Variants in PHC2 observed in about 807,000 individuals in gnomAD.
The protein encoded by PHC2 is polyhomeotic homolog 2, also known as polyhomeotic-like protein 2.
In PHC2, 29 loss-of-function variants were observed where a neutral mutation model predicts 87.4. That is an observed-to-expected ratio of 0.33 (90% CI 0.25 to 0.45). The LOEUF is 0.45. PHC2 is among the 20% of genes least tolerant of loss of function. The probability of loss-of-function intolerance (pLI) is 1.00; values close to 1 mark genes in which losing one functional copy is unlikely to be tolerated. For missense variants in PHC2, 857 were observed against 1,136.7 expected (o/e 0.75, Z 3.54); for synonymous variants, 438 against 461.7 (o/e 0.95, Z 0.66).
chr1:33,412,631 A>G (rs2148393563), intron 1 of PHC2, among the ~76,000 whole-genome samples: 1 of 152,298 alleles, frequency 6.6e-6, no homozygotes, highest in East Asian at 1.9e-4. Flanking sequence ...ACCCCTCACT[A>G]ATACAGTGCC....
At chr1:33,408,321 T>A (rs976235226) in intron 1 of PHC2, among the ~76,000 whole-genome samples, 4 of 152,226 alleles carry the variant, frequency 2.6e-5, no homozygotes, top group African/African-American at 9.6e-5. Flanking sequence ...TTGAATTGTA[T>A]GAATTTATTT....
At chr1:33,345,626 C>T (rs1008998608) in intron 9 of PHC2, 32 of 982,678 alleles carry the variant, frequency 3.3e-5, no homozygotes, top group Middle Eastern at 5.2e-4. Flanking sequence ...TCTTCAAAAA[C>T]TAGTAATTCT....
At chr1:33,335,690 A>G (rs1008333976) in intron 9 of PHC2, among the ~76,000 whole-genome samples, 8 of 152,194 alleles carry the variant, frequency 5.3e-5, no homozygotes, top group African/African-American at 1.7e-4. Context: ...TCACCAGGTC[A>G]AGAGTTGAAG....
intron 14 of PHC2, among the ~76,000 whole-genome samples, chr1:33,327,301 G>T (rs750747476): frequency 1.1e-4 from 17 of 152,200 alleles, no homozygotes; most frequent in Non-Finnish European, 1.8e-4. Flanking sequence ...TCTTCAGACT[G>T]AGAGGACCTA....
At chr1:33,365,509 TAGA>T (rs1165508687) in intron 7 of PHC2, among the ~76,000 whole-genome samples, 4 of 152,168 alleles carry the variant, frequency 2.6e-5, no homozygotes, top group Non-Finnish European at 5.9e-5. Flanking sequence ...AATGAGAAAC[TAGA>T]AGAAGTGCTC....
chr1:33,349,185 A>G lies in PHC2; in HGVS notation c.1558+5216T>C. 1.0e-6 allele frequency: 1 copy of G among 985,484 alleles called. No homozygotes were observed. The highest frequency in any genetic ancestry group is 1.7e-5 in the African/African-American group (1 of 57,368). 61.0% of individuals were successfully genotyped at this position (985,484 alleles called of 1,614,324 possible). A position where few individuals can be genotyped will look rare whatever the true frequency, so the allele number is the denominator to read the frequency against. Reference sequence around the variant, plus strand: ...AGATTAAAAACAAAACTCTCCAGCGAAGCCGCAGGCGCCTCCAAGATAGGG... The same window carrying G: ...AGATTAAAAACAAAACTCTCCAGCGGAGCCGCAGGCGCCTCCAAGATAGGG... On this transcript the variant is annotated intron_variant, in intron 9 of 14. Coordinates refer to ENST00000683057, the MANE Select transcript of PHC2 (RefSeq NM_001385109.1). The surrounding 1 kb of genome is among the most constrained non-coding windows in gnomAD (Gnocchi z 4.2).
Position 33,367,442 on chromosome 1 carries a change from G to C in PHC2, c.664-14C>G, listed in dbSNP as rs551720542. On this transcript the variant is annotated splice_polypyrimidine_tract_variant and intron_variant, in intron 6 of 14. Coordinates refer to ENST00000683057, the MANE Select transcript of PHC2 (RefSeq NM_001385109.1). The stretch of plus-strand genomic sequence containing the variant: ...CAAGTTCTGTACCTGGAAAAGAGGG[G>C]TCTGTGGGAGTCCAGAGAATGTGGC... 2 of 1,531,234 alleles carry C rather than the reference G, an allele frequency of 1.3e-6. No homozygotes were observed. Among genetic ancestry groups the C allele is most frequent in the Non-Finnish European group, 1.8e-6 (2 of 1,136,044 alleles). 94.9% of individuals were successfully genotyped at this position (1,531,234 alleles called of 1,614,324 possible).
chr1:33,396,741 C>T (rs368528594), intron 1 of PHC2, among the ~76,000 whole-genome samples: 1 of 152,180 alleles, frequency 6.6e-6, no homozygotes, highest in African/African-American at 2.4e-5. Flanking sequence ...CGGCTTCCTG[C>T]CCCGTAACTG....
intron 2 of PHC2, among the ~76,000 whole-genome samples, chr1:33,374,173 T>G (rs774762081): frequency 6.6e-5 from 10 of 152,160 alleles, no homozygotes; most frequent in Non-Finnish European, 1.5e-4. Flanking sequence ...CCAGCCCATG[T>G]AGTTGAGATC....
At chr1:33,356,927 C>A (rs1475645804) in intron 7 of PHC2, among the ~76,000 whole-genome samples, 1 of 152,226 alleles carries the variant, frequency 6.6e-6, no homozygotes, top group Non-Finnish European at 1.5e-5. Context: ...GGCTGCCCCC[C>A]ACCTCCCTCC....
chr1:33,334,171 T>C lies in PHC2; in HGVS notation c.1680A>G (p.Pro560=), dbSNP rs1433208753. Residue 560 remains proline, a synonymous_variant, in exon 10 of 15, where the codon CCA becomes CCG. Coordinates refer to ENST00000683057, the MANE Select transcript of PHC2 (RefSeq NM_001385109.1). The surrounding 1 kb of genome is among the most constrained non-coding windows in gnomAD (Gnocchi z 5.5). ...TTTGGGGTTTCACAATGGCCTGTGGTGGTTTATTCTCACCATTCTGGGGGG... is the reference window on the plus strand; with the variant it reads ...TTTGGGGTTTCACAATGGCCTGTGGCGGTTTATTCTCACCATTCTGGGGGG... The part of the protein sequence containing the change: ...GTAPQNGENK[P]PQAIVKPQIL... The C allele has an allele frequency of 6.2e-7, 1 of 1,613,516 alleles. No individual in the cohort carries two copies. The highest frequency in any genetic ancestry group is 2.2e-5 in the East Asian group (1 of 44,880).
chr1:33,403,979 TTCTC>T (rs1172119757), intron 1 of PHC2, among the ~76,000 whole-genome samples: 2 of 152,198 alleles, frequency 1.3e-5, no homozygotes, highest in East Asian at 3.8e-4. Flanking sequence ...ATGCTGTTCT[TTCTC>T]TCTAGACACT....
At chr1:33,361,286 T>C (rs1200557357) in intron 7 of PHC2, among the ~76,000 whole-genome samples, 1 of 152,222 alleles carries the variant, frequency 6.6e-6, no homozygotes, top group African/African-American at 2.4e-5. Context: ...GAGCCCTTAC[T>C]ATAGACTAGG....
chr1:33,343,763 G>A lies in PHC2; in HGVS notation c.1559-9471C>T, dbSNP rs893013767. On this transcript the variant is annotated intron_variant, in intron 9 of 14. Coordinates refer to ENST00000683057, the MANE Select transcript of PHC2 (RefSeq NM_001385109.1). Reference sequence around the variant, plus strand: ...GCCCCAGAGCAGGGCTAATCTTTCCGTGGCCCAAACTGAGGTATCTGAGGT... The same window carrying A: ...GCCCCAGAGCAGGGCTAATCTTTCCATGGCCCAAACTGAGGTATCTGAGGT... 2.5e-4 allele frequency among the ~76,000 whole-genome samples: 38 copies of A among 152,120 alleles called. 2 individuals are homozygous for A. Among genetic ancestry groups the A allele is most frequent in the African/African-American group, 1.2e-4 (5 of 41,428 alleles).
chr1:33,430,061 C>T (rs1460627233), intron 1 of PHC2, among the ~76,000 whole-genome samples: 2 of 152,118 alleles, frequency 1.3e-5, no homozygotes, highest in African/African-American at 4.8e-5. Context: ...CTAAAGCTGC[C>T]ACCAGTCTTA....
intron 7 of PHC2, among the ~76,000 whole-genome samples, chr1:33,365,311 C>T (rs1363125644): frequency 6.6e-6 from 1 of 152,162 alleles, no homozygotes; most frequent in African/African-American, 2.4e-5. Context: ...CCGTTTCTGT[C>T]CAGTTTTCTT....
At chr1:33,392,111 TTC>T (rs1181958300) in intron 1 of PHC2, among the ~76,000 whole-genome samples, 1 of 152,152 alleles carries the variant, frequency 6.6e-6, no homozygotes, top group Non-Finnish European at 1.5e-5. Flanking sequence ...CACACTGTTA[TTC>T]AGGACACAAT....
At chr1:33,371,816 G>A (rs545516264) in intron 3 of PHC2, among the ~76,000 whole-genome samples, 49 of 152,310 alleles carry the variant, frequency 3.2e-4, no homozygotes, top group African/African-American at 1.1e-3. Context: ...TATTGTAAGT[G>A]CCAAGAAGAC....
Position 33,368,670 on chromosome 1 carries a change from C to T in PHC2, c.577-48G>A. 7.3e-7 allele frequency: 1 copy of T among 1,374,742 alleles called. No homozygotes were observed. Among genetic ancestry groups the T allele is most frequent in the Non-Finnish European group, 1.0e-6 (1 of 985,542 alleles). The allele number at this position is 1,374,742 out of a possible 1,614,324, so 85.2% of individuals were successfully genotyped here. ...CCGCCTAGGCTCCTAGCTACCTGCA[C>T]CAGGTTACCTGGCTGGGCCTGGAAT... is the stretch of plus-strand genomic sequence containing the variant. On this transcript the variant is annotated intron_variant, in intron 5 of 14. Transcript: ENST00000683057. The surrounding 1 kb of genome is among the most constrained non-coding windows in gnomAD (Gnocchi z 6.6).
Sources: gnomAD v4.1 joint callset for allele counts (sites outside exome capture counted in the v4.1 genomes callset) on GRCh38, gnomAD v4.1.1 for gene constraint, Gnocchi (gnomAD v3.1) non-coding constraint, MANE v1.5 for transcripts, NCBI Gene and HGNC (gene_info 2026-07-23, HGNC 2026-07-21) for gene names.